Variants in PCDH7 observed in about 807,000 individuals in gnomAD.
PCDH7 encodes protocadherin 7, also known as protocadherin-7.
In PCDH7, 17 loss-of-function variants were observed where a neutral mutation model predicts 58.9. The ratio of observed to expected loss-of-function variants is 0.29; its 90% CI spans 0.20 to 0.43. The LOEUF (loss-of-function observed/expected upper bound fraction) is 0.43, where lower values mean the gene tolerates loss of function less well. PCDH7 is among the 20% of genes least tolerant of loss of function. PCDH7 has a pLI of 1.00. For missense variants in PCDH7, 1,274 were observed against 1,441.0 expected, an observed-to-expected ratio of 0.88 and a Z score of 1.88; for synonymous variants, 664 against 616.4, an observed-to-expected ratio of 1.08 and a Z score of -1.14.
chr4:31,133,670 G>A (rs1020137072), intron 3 of PCDH7, among the ~76,000 whole-genome samples: 8 of 152,182 alleles, frequency 5.3e-5, no homozygotes, highest in African/African-American at 1.9e-4. Flanking sequence ...CATCTCTGAT[G>A]TGCATAAATT....
At chr4:30,824,074 G>GTTTCT (rs1560407421) in intron 1 of PCDH7, among the ~76,000 whole-genome samples, 14 of 148,848 alleles carry the variant, frequency 9.4e-5, no homozygotes, top group South Asian at 8.6e-4. Flanking sequence ...TTAAAGCGGG[G>GTTTCT]TTTCTTTTCT....
rs370034723 is a variant in PCDH7 at position 31,097,638 on chromosome 4, A to ATTC, written c.*8-44835_*8-44834insTTC. 2.5e-5 allele frequency among the ~76,000 whole-genome samples: 2 copies of ATTC among 79,210 alleles called. 1 individual carries two copies. Among genetic ancestry groups the ATTC allele is most frequent in the Non-Finnish European group, 4.9e-5 (2 of 41,218 alleles). 52.0% of individuals were successfully genotyped at this position (79,210 alleles called of 152,430 possible). On this transcript the variant is annotated intron_variant, in intron 3 of 3. Transcript: ENST00000509759. ...TATATATATATATATATATATATATAAATCTTTTTTCTGTAATTTCTGTAA... is the reference window on the plus strand; with the variant it reads ...TATATATATATATATATATATATATATTCAATCTTTTTTCTGTAATTTCTGTAA...
At chr4:31,030,067 C>A (rs561469614) in intron 3 of PCDH7, among the ~76,000 whole-genome samples, 3 of 152,182 alleles carry the variant, frequency 2.0e-5, no homozygotes, top group South Asian at 4.2e-4. Flanking sequence ...ATTTGTAGCT[C>A]TGCAGTCATT....
Position 30,722,104 on chromosome 4 carries a change from G to C in PCDH7, c.682G>C (p.Ala228Pro), listed in dbSNP as rs764303668. 10 of 1,364,856 alleles carry C rather than the reference G, an allele frequency of 7.3e-6. No individual in the cohort carries two copies. In the African/African-American group the frequency reaches 1.5e-4, roughly 21 times the overall value. 84.5% of individuals were successfully genotyped at this position (1,364,856 alleles called of 1,614,324 possible). A position where few individuals can be genotyped will look rare whatever the true frequency, so the allele number is the denominator to read the frequency against. ...GGGAGGCTCCAAGCGGCGGCTGGAC[G>C]CATCAGAGGGCGGCGGCGGCACCAA... The change falls in exon 1 of 2, where the codon GCA (alanine) becomes CCA (proline). Residue 228 changes from alanine to proline, a missense_variant. Ala to Pro is a conservative substitution (Grantham distance 27, BLOSUM62 -1). Coordinates refer to ENST00000361762, the Ensembl canonical transcript of PCDH7. This position sits in a 1 kb window ranked among gnomAD's most constrained non-coding sequence, Gnocchi z 7.6.
chr4:30,944,460 G>A (rs751207222), intron 2 of PCDH7, among the ~76,000 whole-genome samples: 38 of 152,022 alleles, frequency 2.5e-4, no homozygotes, highest in Non-Finnish European at 5.0e-4. Flanking sequence ...ATAAGCAAAA[G>A]CTCTTTAGGG....
At chr4:30,924,446 G>A (rs1217143054) in intron 2 of PCDH7, among the ~76,000 whole-genome samples, 1 of 152,208 alleles carries the variant, frequency 6.6e-6, no homozygotes, top group Non-Finnish European at 1.5e-5. Flanking sequence ...TAGTAAGATA[G>A]TGAGTGAATT....
chr4:30,856,347 T>C lies in PCDH7; in HGVS notation c.71-63806T>C, dbSNP rs182100737. On this transcript the variant is annotated intron_variant, in intron 1 of 3. Transcript: ENST00000509759. The stretch of plus-strand genomic sequence containing the variant: ...CACGTATGTACTGGAGTCGTATTAA[T>C]CCTTGATATTGCTGGAACTAACTTT... Among the ~76,000 whole-genome samples, 426 of 152,242 alleles carry C rather than the reference T, an allele frequency of 2.8e-3. 1 individual carries two copies. Among genetic ancestry groups the C allele is most frequent in the Non-Finnish European group, 4.9e-3 (333 of 68,002 alleles).
intron 1 of PCDH7, among the ~76,000 whole-genome samples, chr4:30,770,100 T>C (rs1560351092): frequency 2.0e-5 from 3 of 152,198 alleles, no homozygotes; most frequent in Non-Finnish European, 4.4e-5. Flanking sequence ...GTGGGTATCC[T>C]GAGTTCAAAA....
intron 1 of PCDH7, among the ~76,000 whole-genome samples, chr4:30,877,276 A>G (rs1736414157): frequency 6.6e-6 from 1 of 152,132 alleles, no homozygotes; most frequent in Non-Finnish European, 1.5e-5. Flanking sequence ...GTAAATGCCT[A>G]TTAGGGAGGA....
intron 3 of PCDH7, among the ~76,000 whole-genome samples, chr4:31,106,987 T>C (rs993360212): frequency 1.3e-5 from 2 of 152,200 alleles, no homozygotes; most frequent in Non-Finnish European, 2.9e-5. Context: ...TACTAATAAC[T>C]TTTACTTCTT....
In PCDH7 at chr4:30,867,105, A is replaced by G. The variant is rs1266764191; in HGVS notation, c.71-53048A>G. ...TGTTTGCCCAGGGTGATGAGATTCA[A>G]TTGGTATGTCACCTCAGGCTGTCTG... On this transcript the variant is annotated intron_variant, in intron 1 of 3. Coordinates refer to the PCDH7 transcript ENST00000509759. Among the ~76,000 whole-genome samples the G allele has an allele frequency of 5.9e-5, 9 of 152,068 alleles. No homozygotes were observed. In the East Asian group the frequency reaches 1.4e-3, roughly 23 times the overall value.
intron 3 of PCDH7, among the ~76,000 whole-genome samples, chr4:30,964,548 T>A (rs1748814517): frequency 6.6e-6 from 1 of 151,940 alleles, no homozygotes; most frequent in South Asian, 2.1e-4. Context: ...GCCCAGTAGT[T>A]TTATTTATTT....
At chr4:31,019,463 G>A (rs1753857112) in intron 3 of PCDH7, among the ~76,000 whole-genome samples, 2 of 152,074 alleles carry the variant, frequency 1.3e-5, no homozygotes, top group Non-Finnish European at 2.9e-5. Flanking sequence ...CAGCACTTTG[G>A]GAGGCCAAGG....
chr4:31,118,807 A>C (rs1240433123), intron 3 of PCDH7, among the ~76,000 whole-genome samples: 1 of 152,214 alleles, frequency 6.6e-6, no homozygotes. Flanking sequence ...ACTAGTTAAA[A>C]CATTCAGAAA....
Position 30,741,612 on chromosome 4 carries a change from C to A in PCDH7, c.70+17016C>A, listed in dbSNP as rs184629625. Reference sequence around the variant, plus strand: ...GCAGGTCCCAATGCCCAACATATAACCTCCTTATCATTCTTTTGAAAGTTT... The same window carrying A: ...GCAGGTCCCAATGCCCAACATATAAACTCCTTATCATTCTTTTGAAAGTTT... On this transcript the variant is annotated intron_variant, in intron 1 of 3. Transcript: ENST00000509759. Among the ~76,000 whole-genome samples, 543 of 152,302 alleles carry A rather than the reference C, an allele frequency of 3.6e-3. 5 individuals are homozygous for A. Among genetic ancestry groups the A allele is most frequent in the African/African-American group, 0.012 (506 of 41,558 alleles).
chr4:30,849,543 G>A (rs1414777742), intron 1 of PCDH7, among the ~76,000 whole-genome samples: 1 of 152,120 alleles, frequency 6.6e-6, no homozygotes, highest in African/African-American at 2.4e-5. Flanking sequence ...GTGTCTATGA[G>A]TTAGGTTATT....
At chr4:31,098,004 C>A (rs982184252) in intron 3 of PCDH7, among the ~76,000 whole-genome samples, 2 of 152,084 alleles carry the variant, frequency 1.3e-5, no homozygotes, top group South Asian at 4.1e-4. Context: ...TTTCAGGTCA[C>A]GGATTATCCT....
At chr4:31,030,148 T>A (rs1754775439) in intron 3 of PCDH7, among the ~76,000 whole-genome samples, 1 of 151,902 alleles carries the variant, frequency 6.6e-6, no homozygotes, top group Non-Finnish European at 1.5e-5. Context: ...TGTGTGCATG[T>A]GTGTGTGCAT....
intron 1 of PCDH7, among the ~76,000 whole-genome samples, chr4:30,808,227 C>T (rs890783830): frequency 2.0e-5 from 3 of 152,144 alleles, no homozygotes; most frequent in African/African-American, 7.2e-5. Flanking sequence ...TCAAGTATGA[C>T]CAAAGAGCTG....
Sources: gnomAD v4.1 joint callset for allele counts (sites outside exome capture counted in the v4.1 genomes callset) on GRCh38, gnomAD v4.1.1 for gene constraint, Gnocchi (gnomAD v3.1) non-coding constraint, MANE v1.5 for transcripts, NCBI Gene and HGNC (gene_info 2026-07-23, HGNC 2026-07-21) for gene names.